The following ANK2 variants were observed in gnomAD, a reference collection of about 807,000 sequenced individuals.
ANK2 encodes ankyrin 2, also known as ankyrin-2.
A neutral mutation model predicts 360.5 loss-of-function variants in ANK2; 83 were observed. That is an observed-to-expected ratio of 0.23 (90% confidence interval 0.19 to 0.28). The LOEUF is 0.28. Among genes scored for constraint, ANK2 ranks in the 10% least tolerant of loss-of-function variants. The pLI, the probability that ANK2 is intolerant of heterozygous loss-of-function variation, is 1.00. For synonymous variants in ANK2, 1,740 were observed against 1,759.5 expected (o/e 0.99, Z 0.28); for missense variants, 4,201 against 4,795.7 (o/e 0.88, Z 3.66).
chr4:113,327,658 A>T (rs956068463), intron 26 of ANK2, among the ~76,000 whole-genome samples: 2 of 152,196 alleles, frequency 1.3e-5, no homozygotes, highest in African/African-American at 4.8e-5. Context: ...TGGCACTTTT[A>T]TGGCTCCTAT....
chr4:113,209,009 C>T (rs2098988609), intron 4 of ANK2, among the ~76,000 whole-genome samples: 2 of 151,818 alleles, frequency 1.3e-5, no homozygotes, highest in Admixed American at 1.3e-4. Context: ...TGAAGGCTGG[C>T]TAAAAATCAA....
intron 35 of ANK2, among the ~76,000 whole-genome samples, chr4:113,347,544 A>C (rs1485052668): frequency 2.0e-5 from 3 of 152,214 alleles, no homozygotes; most frequent in Non-Finnish European, 2.9e-5. Context: ...CTTCATTATT[A>C]CATTTTATTT....
At chr4:112,893,800 A>C (rs1463044460) in intron 1 of ANK2, among the ~76,000 whole-genome samples, 1 of 152,082 alleles carries the variant, frequency 6.6e-6, no homozygotes, top group Non-Finnish European at 1.5e-5. Context: ...TTTGAGACCA[A>C]CCTGGCCAAC....
At chr4:113,149,643 G>A (rs1386992932) in intron 1 of ANK2, among the ~76,000 whole-genome samples, 1 of 151,836 alleles carries the variant, frequency 6.6e-6, no homozygotes, top group East Asian at 1.9e-4. Context: ...GGGAGGCCGA[G>A]GCAGGCAGAT....
intron 1 of ANK2, among the ~76,000 whole-genome samples, chr4:113,103,928 TG>T (rs1581673513): frequency 2.0e-5 from 3 of 152,196 alleles, no homozygotes; most frequent in Admixed American, 2.0e-4. Context: ...TTGTGATTTT[TG>T]TCCCCCTTTT....
chr4:113,230,526 AAT>A (rs1405752084), intron 4 of ANK2, among the ~76,000 whole-genome samples: 2 of 152,018 alleles, frequency 1.3e-5, no homozygotes, highest in Non-Finnish European at 2.9e-5. Context: ...AAAAAAAAAA[AAT>A]GTTTTCTCCT....
chr4:113,194,106 T>C (rs927753737), intron 2 of ANK2, among the ~76,000 whole-genome samples: 2 of 152,182 alleles, frequency 1.3e-5, no homozygotes, highest in African/African-American at 2.4e-5. Flanking sequence ...TGTCCTTTAC[T>C]TCTCCCTTAG....
At chr4:113,364,942 C>T (rs2154051941) in intron 40 of ANK2, 97 bp from the exon 41 acceptor site, 2 of 1,446,880 alleles carry the variant, frequency 1.4e-6, no homozygotes, top group African/African-American at 1.4e-5. Context: ...TTGTTTTTTT[C>T]TGTACAGATA....
intron 1 of ANK2, among the ~76,000 whole-genome samples, chr4:112,881,532 AT>A (rs201993990): frequency 7.9e-5 from 12 of 151,870 alleles, no homozygotes; most frequent in African/African-American, 2.2e-4. Flanking sequence ...TTGATCCTTG[AT>A]TTTTTTTTAA....
At chr4:113,321,169 T>A (rs572321873) in intron 26 of ANK2, among the ~76,000 whole-genome samples, 1 of 152,364 alleles carries the variant, frequency 6.6e-6, no homozygotes, top group Admixed American at 6.5e-5. Flanking sequence ...ATCTATAAGA[T>A]GAGTGTTATA....
At chr4:113,136,745 T>A (rs1371000619) in intron 1 of ANK2, among the ~76,000 whole-genome samples, 1 of 143,754 alleles carries the variant, frequency 7.0e-6, no homozygotes, top group Non-Finnish European at 1.5e-5. Flanking sequence ...CCATACCACA[T>A]TATTAAGGAT....
At chr4:112,855,771 A>C (rs114080898) in intron 1 of ANK2, among the ~76,000 whole-genome samples, 5 of 152,110 alleles carry the variant, frequency 3.3e-5, no homozygotes, top group African/African-American at 4.8e-5. Flanking sequence ...AGGCAGGCTC[A>C]CTCCAGAGTC....
intron 2 of ANK2, among the ~76,000 whole-genome samples, chr4:112,927,961 C>A (rs1263553577): frequency 6.6e-6 from 1 of 152,156 alleles, no homozygotes; most frequent in Non-Finnish European, 1.5e-5. Context: ...TAAGAAAACT[C>A]CAGCTGTGCC....
the ANK2 span, among the ~76,000 whole-genome samples, chr4:112,794,190 T>C: frequency 1.3e-5 from 2 of 152,232 alleles, no homozygotes; most frequent in African/African-American, 4.8e-5. Context: ...CTATAAAAGA[T>C]TATGAAAATC....
At chr4:112,890,790 C>A (rs531112757) in intron 1 of ANK2, among the ~76,000 whole-genome samples, 2 of 152,152 alleles carry the variant, frequency 1.3e-5, no homozygotes, top group East Asian at 3.9e-4. Context: ...TGGTCTCGAA[C>A]TCCTGACCTC....
intron 1 of ANK2, 65 bp from the exon 2 acceptor site, chr4:113,174,350 CT>C: frequency 7.5e-7 from 1 of 1,335,120 alleles, no homozygotes; most frequent in Admixed American, 1.9e-5. Context: ...ACATTCTTGT[CT>C]TTCTGTATTG....
intron 2 of ANK2, among the ~76,000 whole-genome samples, chr4:113,026,814 T>TA (rs2059380164): frequency 6.6e-6 from 1 of 151,788 alleles, no homozygotes; most frequent in South Asian, 2.1e-4. Context: ...AGGAAAAAAA[T>TA]AAAAAATGAT....
At chr4:112,813,000 G>A in the ANK2 span, among the ~76,000 whole-genome samples, 1 of 152,068 alleles carries the variant, frequency 6.6e-6, no homozygotes, top group African/African-American at 2.4e-5. Context: ...AGCACTTTGG[G>A]AGCCTGATGT....
chr4:112,712,382 G>A, the ANK2 span, among the ~76,000 whole-genome samples: 1 of 138,766 alleles, frequency 7.2e-6, no homozygotes, highest in South Asian at 2.3e-4. Context: ...ACCCAGCCAA[G>A]ATGTCATATA....
Sources: allele counts gnomAD v4.1 joint callset (sites outside exome capture counted in the v4.1 genomes callset), GRCh38; gene constraint gnomAD v4.1.1; transcripts MANE v1.5; gene names NCBI Gene and HGNC (gene_info 2026-07-23, HGNC 2026-07-21).